The following RANBP2 variants were observed in gnomAD, a reference collection of about 807,000 sequenced individuals.
The protein encoded by RANBP2 is RAN binding protein 2.
In RANBP2, 57 loss-of-function variants were observed where a neutral mutation model predicts 303.6. The observed-to-expected ratio is 0.19, with a 90% CI of 0.15 to 0.23. The LOEUF is 0.23. Among genes scored for constraint, RANBP2 ranks in the 10% least tolerant of loss-of-function variants. RANBP2 has a pLI of 1.00. For missense variants in RANBP2, 3,138 were observed against 3,780.8 expected, an observed-to-expected ratio of 0.83 and a Z score of 4.46; for synonymous variants, 1,167 against 1,301.5, an observed-to-expected ratio of 0.90 and a Z score of 2.23.
At chr2:108,895,476 T>TTTA in the RANBP2 span, 2 of 152,382 alleles carry the variant, frequency 1.3e-5, no homozygotes, top group East Asian at 3.9e-4. Context: ...ACAATGCCAG[T>TTTA]TTATTAACTT....
chr2:109,150,585 A>G, the RANBP2 span, among the ~76,000 whole-genome samples: 5 of 152,182 alleles, frequency 3.3e-5, no homozygotes, highest in Non-Finnish European at 7.4e-5. Flanking sequence ...CAGACGGGGA[A>G]AGTGAGGCCC....
In RANBP2 at chr2:108,719,663, C is replaced by A. The variant is rs1322105210; in HGVS notation, c.57C>A (p.Thr19=). ...ERYIASVQGS[T]PSPRQKSMKG... ...ACATCGCCTCGGTGCAGGGCTCCAC[C>A]CCGTCGCCTCGACAGGTGAGTGGGT... The change falls in exon 1 of 29, where the codon ACC becomes ACA. Residue 19 remains threonine (T), a synonymous_variant. Transcript: ENST00000283195. 1 of 1,605,946 alleles carries A rather than the reference C, an allele frequency of 6.2e-7. No individual in the cohort carries two copies. The highest frequency in any genetic ancestry group is 2.2e-5 in the East Asian group (1 of 44,682).
the RANBP2 span, among the ~76,000 whole-genome samples, chr2:109,346,484 G>A: frequency 6.6e-6 from 1 of 151,928 alleles, no homozygotes; most frequent in African/African-American, 2.4e-5. Flanking sequence ...GAAAATCGTT[G>A]GGTATTGACA....
At chr2:109,614,261 C>A in the RANBP2 span, 1 of 657,882 alleles carries the variant, frequency 1.5e-6, no homozygotes, top group Non-Finnish European at 2.1e-6. Flanking sequence ...CAGCGGGGAG[C>A]GGAAGTGGGC....
the RANBP2 span, among the ~76,000 whole-genome samples, chr2:108,868,041 C>T: frequency 1.1e-4 from 16 of 152,124 alleles, no homozygotes; most frequent in Non-Finnish European, 2.4e-4. Context: ...AGTCAGTTAT[C>T]GACAGGCTGA....
the RANBP2 span, among the ~76,000 whole-genome samples, chr2:109,354,181 G>C: frequency 6.6e-6 from 1 of 152,170 alleles, no homozygotes. Context: ...CCTTCTCCCT[G>C]CGACACAGAG....
chr2:109,402,422 A>G, the RANBP2 span, among the ~76,000 whole-genome samples: 2 of 152,350 alleles, frequency 1.3e-5, no homozygotes, highest in South Asian at 4.1e-4. Context: ...GCTTGGAGAA[A>G]TTCAGCATTG....
the RANBP2 span, among the ~76,000 whole-genome samples, chr2:109,125,400 C>G: frequency 6.6e-6 from 1 of 152,206 alleles, no homozygotes; most frequent in Non-Finnish European, 1.5e-5. Flanking sequence ...GACATACAGC[C>G]GTCCAGTCCT....
chr2:109,227,851 G>A, the RANBP2 span, among the ~76,000 whole-genome samples: 8 of 152,142 alleles, frequency 5.3e-5, no homozygotes, highest in African/African-American at 1.7e-4. Context: ...TTGGCCCTTC[G>A]GTCGCTCCGC....
chr2:108,793,578 C>T, the RANBP2 span, among the ~76,000 whole-genome samples: 10 of 151,940 alleles, frequency 6.6e-5, no homozygotes, highest in Non-Finnish European at 1.3e-4. Flanking sequence ...TATATACCCT[C>T]AGGAAACTTT....
chr2:109,335,722 C>T, the RANBP2 span, among the ~76,000 whole-genome samples: 56 of 152,338 alleles, frequency 3.7e-4, 2 homozygotes, highest in South Asian at 8.5e-3. Context: ...CCAAACCCCA[C>T]GCCAGAACCG....
the RANBP2 span, among the ~76,000 whole-genome samples, chr2:108,826,557 C>G: frequency 1.3e-5 from 2 of 152,112 alleles, no homozygotes; most frequent in African/African-American, 4.8e-5. Flanking sequence ...AAAATAAATA[C>G]AGTGTAAATA....
At chr2:109,109,932 C>T in the RANBP2 span, among the ~76,000 whole-genome samples, 1 of 152,116 alleles carries the variant, frequency 6.6e-6, no homozygotes, top group Non-Finnish European at 1.5e-5. Context: ...CCCCCCACAG[C>T]CCTCCTTTCC....
the RANBP2 span, among the ~76,000 whole-genome samples, chr2:109,102,614 A>G: frequency 6.6e-6 from 1 of 152,182 alleles, no homozygotes; most frequent in African/African-American, 2.4e-5. Context: ...GTAGTTAGGA[A>G]TAATAATATC....
the RANBP2 span, chr2:109,618,362 A>C: frequency 6.0e-6 from 1 of 167,058 alleles, no homozygotes; most frequent in Non-Finnish European, 1.5e-5. Context: ...AGTCAGTATT[A>C]TCTCTTAAAT....
chr2:109,075,483 C>T, the RANBP2 span, among the ~76,000 whole-genome samples: 1 of 149,958 alleles, frequency 6.7e-6, no homozygotes, highest in East Asian at 1.9e-4. Context: ...GCCTTGGCCT[C>T]CCAAAGTGCT....
chr2:108,828,892 T>C, the RANBP2 span, among the ~76,000 whole-genome samples: 3 of 152,078 alleles, frequency 2.0e-5, no homozygotes, highest in African/African-American at 7.2e-5. Context: ...GCAGGAGAAT[T>C]GCTTGAACCC....
the RANBP2 span, among the ~76,000 whole-genome samples, chr2:109,018,654 C>T: frequency 6.6e-6 from 1 of 152,218 alleles, no homozygotes; most frequent in Admixed American, 6.5e-5. Flanking sequence ...GCCACAGGCC[C>T]TTAGCACGTC....
the RANBP2 span, among the ~76,000 whole-genome samples, chr2:109,417,894 T>C: frequency 6.6e-6 from 1 of 152,066 alleles, no homozygotes; most frequent in Non-Finnish European, 1.5e-5. Context: ...CCAGAACTGG[T>C]CAGTGAGTAA....
Sources: gnomAD v4.1 joint callset for allele counts (sites outside exome capture counted in the v4.1 genomes callset) on GRCh38, gnomAD v4.1.1 for gene constraint, MANE v1.5 for transcripts, NCBI Gene and HGNC (gene_info 2026-07-23, HGNC 2026-07-21) for gene names.